The following ARID1B variants were observed in gnomAD, a reference collection of about 807,000 sequenced individuals.
ARID1B encodes the protein AT-rich interaction domain 1B.
In ARID1B, 30 loss-of-function variants were observed where a neutral mutation model predicts 212.3. The ratio of observed to expected loss-of-function variants is 0.14; its 90% CI spans 0.11 to 0.19. The LOEUF is 0.19. ARID1B is among the 10% of genes least tolerant of loss of function. ARID1B has a pLI of 1.00. For synonymous variants in ARID1B, 1,402 were observed against 1,301.7 expected, an observed-to-expected ratio of 1.08 and a Z score of -1.66; for missense variants, 2,891 against 3,204.0, an observed-to-expected ratio of 0.90 and a Z score of 2.36.
intron 2 of ARID1B, among the ~76,000 whole-genome samples, chr6:156,877,093 A>G (rs771174738): frequency 6.6e-6 from 1 of 152,176 alleles, no homozygotes; most frequent in Non-Finnish European, 1.5e-5. Flanking sequence ...CAAAGGTTCT[A>G]TGAATCCCGA....
intron 6 of ARID1B, among the ~76,000 whole-genome samples, chr6:157,127,791 A>AAAC (rs989409866): frequency 1.6e-5 from 2 of 122,194 alleles, no homozygotes; most frequent in African/African-American, 6.5e-5. Context: ...CTCAAAAAAA[A>AAAC]AAAAAAAAAA....
intron 3 of ARID1B, among the ~76,000 whole-genome samples, chr6:156,907,742 CAAA>C (rs113702446): frequency 4.9e-5 from 6 of 122,594 alleles, no homozygotes; most frequent in Admixed American, 1.6e-4. Context: ...ACTAAAAATG[CAAA>C]AAAAAAAAAA....
At chr6:156,931,858 A>C (rs1791748463) in intron 3 of ARID1B, among the ~76,000 whole-genome samples, 1 of 148,932 alleles carries the variant, frequency 6.7e-6, no homozygotes, top group African/African-American at 2.5e-5. Context: ...GCTACTCGGG[A>C]GGCTGAGGCA....
intron 3 of ARID1B, among the ~76,000 whole-genome samples, chr6:156,908,497 T>C (rs1245751174): frequency 6.6e-6 from 1 of 152,196 alleles, no homozygotes; most frequent in African/African-American, 2.4e-5. Context: ...GTAAACAAAC[T>C]TAATGAAATT....
rs958655969 is a variant in ARID1B, at chr6:156,924,996, C to A, written c.2137-10470C>A. Reference sequence around the variant, plus strand: ...GTGGCTTCCTTTCTCATTCTGAGCCCACTGTTAGTTTAGGAAGAAGTCTTA... The same window carrying A: ...GTGGCTTCCTTTCTCATTCTGAGCCAACTGTTAGTTTAGGAAGAAGTCTTA... On this transcript the variant is annotated intron_variant, in intron 3 of 19. Coordinates refer to ENST00000636930, the MANE Select transcript of ARID1B (RefSeq NM_001374828.1). Among the ~76,000 whole-genome samples the A allele has an allele frequency of 2.0e-5, 3 of 152,086 alleles. No individual in the cohort carries two copies. In the East Asian group the frequency reaches 5.8e-4, roughly 29 times the overall value.
At chr6:156,949,887 G>A (rs547305833) in intron 4 of ARID1B, among the ~76,000 whole-genome samples, 11 of 152,262 alleles carry the variant, frequency 7.2e-5, no homozygotes, top group South Asian at 2.1e-4. Flanking sequence ...CTATGGGGAC[G>A]AGTGAAGATG....
At chr6:156,862,657 GC>G (rs1785414701) in intron 2 of ARID1B, among the ~76,000 whole-genome samples, 1 of 152,204 alleles carries the variant, frequency 6.6e-6, no homozygotes, top group African/African-American at 2.4e-5. Flanking sequence ...ACAAGGCAAA[GC>G]GGAGTGGTGT....
At chr6:157,045,049 T>C (rs1207095415) in intron 4 of ARID1B, among the ~76,000 whole-genome samples, 1 of 152,282 alleles carries the variant, frequency 6.6e-6, no homozygotes, top group East Asian at 1.9e-4. Context: ...TTTGAAAAGA[T>C]AGTAGAAAAC....
intron 1 of ARID1B, among the ~76,000 whole-genome samples, chr6:156,803,990 A>G (rs1321582697): frequency 1.3e-5 from 2 of 152,246 alleles, no homozygotes; most frequent in Admixed American, 6.5e-5. Flanking sequence ...TGGCAGAGGT[A>G]ATAGTAGTTG....
chr6:156,898,300 GT>G (rs1204949019), intron 2 of ARID1B, among the ~76,000 whole-genome samples: 1 of 152,212 alleles, frequency 6.6e-6, no homozygotes, highest in Non-Finnish European at 1.5e-5. Flanking sequence ...GCTTGGGACA[GT>G]GAAGCTCAGG....
intron 6 of ARID1B, among the ~76,000 whole-genome samples, chr6:157,123,102 C>G (rs1787857995): frequency 6.6e-6 from 1 of 152,182 alleles, no homozygotes; most frequent in South Asian, 2.1e-4. Context: ...TGCTTGAGAT[C>G]CCATGGTAAC....
intron 4 of ARID1B, among the ~76,000 whole-genome samples, chr6:157,080,614 T>C (rs1163040616): frequency 1.3e-5 from 2 of 152,226 alleles, no homozygotes; most frequent in Non-Finnish European, 2.9e-5. Context: ...ACATAGAGAA[T>C]CTGAACATAT....
intron 6 of ARID1B, among the ~76,000 whole-genome samples, chr6:157,123,083 T>C (rs1263749580): frequency 1.3e-5 from 2 of 152,166 alleles, no homozygotes; most frequent in Non-Finnish European, 2.9e-5. Flanking sequence ...AGCTACTCAC[T>C]GCCATGGGTG....
intron 4 of ARID1B, chr6:156,938,124 T>G (rs1451653937): frequency 2.0e-5 from 3 of 152,070 alleles, no homozygotes; most frequent in Non-Finnish European, 4.4e-5. Flanking sequence ...CACCACTTTT[T>G]TTTTTTTCCA....
intron 6 of ARID1B, among the ~76,000 whole-genome samples, chr6:157,114,914 G>C (rs1434440843): frequency 6.6e-6 from 1 of 152,164 alleles, no homozygotes; most frequent in African/African-American, 2.4e-5. Flanking sequence ...AGTCCCCCCA[G>C]TTTCAAGTAG....
chr6:156,790,859 T>G (rs527298585), intron 1 of ARID1B, among the ~76,000 whole-genome samples: 1 of 152,338 alleles, frequency 6.6e-6, no homozygotes, highest in East Asian at 1.9e-4. Flanking sequence ...ACACAAGCAC[T>G]TAGAAGCACC....
Position 157,133,201 on chromosome 6 carries a change from C to T in ARID1B, c.2755C>T (p.Pro919Ser), listed in dbSNP as rs753607638. 6.3e-7 allele frequency: 1 copy of T among 1,596,068 alleles called. No homozygotes were observed. The highest frequency in any genetic ancestry group is 1.4e-5 in the African/African-American group (1 of 73,866). ...CGGTCCACAGATGAGCCAGTATGGA[C>T]CACAAGGTAAAACCAAAGCTTCTCC... is the stretch of plus-strand genomic sequence containing the variant. ...TYGPQMSQYG[P>S]QGNYSRPPAY... is the part of the protein sequence containing the mutation. The change falls in exon 7 of 20, where the codon CCA becomes TCA. Residue 919 changes from proline to serine, a missense_variant. By Grantham distance (74) the Pro-to-Ser change is moderately conservative (BLOSUM62 -1). Transcript: ENST00000636930.
intron 4 of ARID1B, among the ~76,000 whole-genome samples, chr6:157,030,860 A>G (rs1780976212): frequency 6.6e-6 from 1 of 152,152 alleles, no homozygotes; most frequent in African/African-American, 2.4e-5. Flanking sequence ...GTTTTAGTTC[A>G]TTTCCAATAC....
intron 18 of ARID1B, among the ~76,000 whole-genome samples, chr6:157,202,898 G>A (rs1794203549): frequency 6.6e-6 from 1 of 151,956 alleles, no homozygotes; most frequent in Non-Finnish European, 1.5e-5. Flanking sequence ...GTTTATGTGT[G>A]TATATGTATG....
Sources: allele counts gnomAD v4.1 joint callset (sites outside exome capture counted in the v4.1 genomes callset), GRCh38; gene constraint gnomAD v4.1.1; transcripts MANE v1.5; gene names NCBI Gene and HGNC (gene_info 2026-07-23, HGNC 2026-07-21).